The following PIK3R5 variants were observed in gnomAD, a reference collection of about 807,000 sequenced individuals.
PIK3R5 encodes phosphoinositide 3-kinase regulatory subunit 5.
Under a neutral mutation model 94.9 loss-of-function variants are expected in PIK3R5, and 32 were observed. That is an observed-to-expected ratio of 0.34 (90% CI 0.25 to 0.45). PIK3R5 has a LOEUF of 0.45. Ranked by LOEUF, PIK3R5 falls within the 20% of genes least tolerant of loss-of-function variation. The pLI is 1.00. For synonymous variants in PIK3R5, 443 were observed against 479.4 expected, an observed-to-expected ratio of 0.92 and a Z score of 0.99; for missense variants, 853 against 1,144.6, an observed-to-expected ratio of 0.75 and a Z score of 3.68.
At chr17:8,953,998 C>T (rs1159894096) in intron 1 of PIK3R5, among the ~76,000 whole-genome samples, 7 of 151,774 alleles carry the variant, frequency 4.6e-5, no homozygotes, top group Non-Finnish European at 7.4e-5. Flanking sequence ...GGGGAGTTAT[C>T]GCTCCTGGGG....
At chr17:8,886,392 G>A in intron 13 of PIK3R5, 70 bp from the exon 14 acceptor site, 1 of 1,595,078 alleles carries the variant, frequency 6.3e-7, no homozygotes, top group Non-Finnish European at 8.6e-7. Context: ...CTCCAGCATA[G>A]ACCTGCTGGC....
chr17:8,884,614 G>T lies in PIK3R5; in HGVS notation c.2205+93C>A. On this transcript the variant is annotated intron_variant, in intron 15 of 18. Coordinates refer to ENST00000447110, the MANE Select transcript of PIK3R5 (RefSeq NM_001142633.3). The surrounding 1 kb of genome is among the most constrained non-coding windows in gnomAD (Gnocchi z 5.8). ...CTTCCAGCGTAAAGACTGGGGCCCA[G>T]GAACACACGAGTCCAGCTCTGGGTC... 2.0e-6 allele frequency: 2 copies of T among 984,168 alleles called. No individual in the cohort carries two copies. The highest frequency in any genetic ancestry group is 1.6e-6 in the Non-Finnish European group (1 of 628,700). 61.0% of individuals were successfully genotyped at this position (984,168 alleles called of 1,614,324 possible). A position where few individuals can be genotyped will look rare whatever the true frequency, so the allele number is the denominator to read the frequency against.
rs765991911 is a variant in PIK3R5 at position 8,911,496 on chromosome 17, C to G, written c.-2G>C. On this transcript the variant is annotated 5_prime_UTR_variant, in exon 2 of 19. Transcript: ENST00000447110. This position sits in a 1 kb window ranked among gnomAD's most constrained non-coding sequence, Gnocchi z 5.3. ...GCATGTCGTGGCCCCTGGCTGCATC[C>G]TGGGTCATCGCCTGCATGGGGGACA... 2 of 1,597,474 alleles carry G rather than the reference C, an allele frequency of 1.3e-6. No homozygotes were observed. The highest frequency in any genetic ancestry group is 2.2e-5 in the South Asian group (2 of 91,000).
At chr17:8,891,461 A>G (rs1233130664) in intron 6 of PIK3R5, among the ~76,000 whole-genome samples, 1 of 152,174 alleles carries the variant, frequency 6.6e-6, no homozygotes, top group Non-Finnish European at 1.5e-5. Context: ...TTTTCTAATC[A>G]GCCCAAAGCC....
In PIK3R5 at chr17:8,951,947, T is replaced by C. The variant is rs113060094; in HGVS notation, c.-14+13649A>G. ...TGGCTACTGGAATATGAATAGACAT[T>C]GATAAGTGCAATTTCCAAGTCATGC... On this transcript the variant is annotated intron_variant, in intron 1 of 18. Coordinates refer to ENST00000447110, the MANE Select transcript of PIK3R5 (RefSeq NM_001142633.3). Among the ~76,000 whole-genome samples the C allele has an allele frequency of 7.2e-3, 1,103 of 152,338 alleles. 12 individuals carry two copies. The highest frequency in any genetic ancestry group is 0.025 in the African/African-American group (1,031 of 41,568).
chr17:8,954,664 G>A (rs959557393), intron 1 of PIK3R5, among the ~76,000 whole-genome samples: 3 of 152,114 alleles, frequency 2.0e-5, no homozygotes, highest in East Asian at 1.9e-4. Flanking sequence ...TGCCGGGTGC[G>A]GTGGCTCATG....
At chr17:8,959,614 C>T (rs1567676369) in intron 1 of PIK3R5, among the ~76,000 whole-genome samples, 1 of 152,164 alleles carries the variant, frequency 6.6e-6, no homozygotes, top group Non-Finnish European at 1.5e-5. Flanking sequence ...GGCTGGCTGG[C>T]TCGGCCAGGT....
rs2090072252 is a variant in PIK3R5 at position 8,893,347 on chromosome 17, T to C, written c.482+239A>G. On this transcript the variant is annotated intron_variant, in intron 6 of 18. Transcript: ENST00000447110. The surrounding 1 kb of genome is among the most constrained non-coding windows in gnomAD (Gnocchi z 5.1). The stretch of plus-strand genomic sequence containing the variant: ...TGTGCCTAACACCTGGCATAATTGA[T>C]ACAGACCTCTTTAAGAATCTGGTGA... Among the ~76,000 whole-genome samples, 1 of 152,126 alleles carries C rather than the reference T, an allele frequency of 6.6e-6. No homozygotes were observed. The highest frequency in any genetic ancestry group is 2.4e-5 in the African/African-American group (1 of 41,416).
chr17:8,886,952 T>A (rs2089874227), intron 12 of PIK3R5, 144 bp downstream of exon 12: 3 of 948,322 alleles, frequency 3.2e-6, no homozygotes, highest in Non-Finnish European at 4.7e-6. Context: ...GTCCTGCTTC[T>A]CACCCACACT....
chr17:8,913,269 G>T (rs987025505), intron 1 of PIK3R5, among the ~76,000 whole-genome samples: 3 of 152,184 alleles, frequency 2.0e-5, no homozygotes, highest in Non-Finnish European at 4.4e-5. Flanking sequence ...GCCAGCCCAT[G>T]CCACAGTCTG....
At chr17:8,928,234 C>T (rs997508621) in intron 1 of PIK3R5, among the ~76,000 whole-genome samples, 1 of 152,148 alleles carries the variant, frequency 6.6e-6, no homozygotes, top group African/African-American at 2.4e-5. Flanking sequence ...TGAAAAACTA[C>T]TTGAAGAAAT....
intron 10 of PIK3R5, 22 bp from the exon 11 acceptor site, chr17:8,887,705 G>C: frequency 6.4e-7 from 1 of 1,572,220 alleles, no homozygotes; most frequent in Non-Finnish European, 8.6e-7. Flanking sequence ...AAGATGGTGA[G>C]AAGGGGAATG....
In PIK3R5 at chr17:8,909,292, C is replaced by T. The variant is rs1191768904; in HGVS notation, c.104-118G>A. On this transcript the variant is annotated intron_variant, in intron 2 of 18. Coordinates refer to ENST00000447110, the MANE Select transcript of PIK3R5 (RefSeq NM_001142633.3). The surrounding 1 kb of genome is among the most constrained non-coding windows in gnomAD (Gnocchi z 4.3). ...ATTTTTCTGTGGTATTGCACTGGAA[C>T]ACTCTTTTTTTTTTTTGAGACAGAG... is the stretch of plus-strand genomic sequence containing the variant. The T allele has an allele frequency of 1.1e-5, 7 of 631,850 alleles. No homozygotes were observed. In the Admixed American group the frequency reaches 1.5e-4, roughly 14 times the overall value. The allele number at this position is 631,850 out of a possible 1,614,324, so 39.1% of individuals were successfully genotyped here.
intron 1 of PIK3R5, among the ~76,000 whole-genome samples, chr17:8,932,781 C>A (rs1263687294): frequency 6.6e-6 from 1 of 151,926 alleles, no homozygotes; most frequent in African/African-American, 2.4e-5. Context: ...TAATTGATGT[C>A]TCAAAAAGAG....
At chr17:8,954,150 A>T (rs1404950582) in intron 1 of PIK3R5, among the ~76,000 whole-genome samples, 1 of 152,232 alleles carries the variant, frequency 6.6e-6, no homozygotes, top group African/African-American at 2.4e-5. Flanking sequence ...CTTGGGAGTG[A>T]GAAAAGGAAG....
At position 8,909,533 on chromosome 17, in the gene PIK3R5, C is replaced by T. The variant is rs192634279; in HGVS notation, c.104-359G>A. 3.3e-4 allele frequency among the ~76,000 whole-genome samples: 51 copies of T among 152,312 alleles called. No individual in the cohort carries two copies. The East Asian group carries it at 7.7e-3, about 23-fold the overall frequency. ...CGATCTCCTGACCTCGTGATCCGCC[C>T]GCCTCGGACTCCCAAAGTGCTGGGA... On this transcript the variant is annotated intron_variant, in intron 2 of 18. Coordinates refer to ENST00000447110, the MANE Select transcript of PIK3R5 (RefSeq NM_001142633.3). The surrounding 1 kb of genome is among the most constrained non-coding windows in gnomAD (Gnocchi z 4.3).
chr17:8,942,639 T>C (rs1409103437), intron 1 of PIK3R5, among the ~76,000 whole-genome samples: 1 of 152,106 alleles, frequency 6.6e-6, no homozygotes, highest in Non-Finnish European at 1.5e-5. Flanking sequence ...AGAGTCTCGC[T>C]CTGTCGCCCA....
rs538657349 is a variant in PIK3R5, at chr17:8,943,555, C to T, written c.-14+22041G>A. 7.9e-5 allele frequency among the ~76,000 whole-genome samples: 12 copies of T among 152,232 alleles called. No individual in the cohort carries two copies. In the South Asian group the frequency reaches 2.5e-3, roughly 32 times the overall value. On this transcript the variant is annotated intron_variant, in intron 1 of 18. Transcript: ENST00000447110. ...TGGGAGGCCGAGGCGGATGCATCAT[C>T]AGGTCAGGAGTTCGAGACCAGCCTG... is the stretch of plus-strand genomic sequence containing the variant.
chr17:8,905,830 T>C, intron 3 of PIK3R5, 93 bp from the exon 4 acceptor site: 2 of 619,220 alleles, frequency 3.2e-6, no homozygotes, highest in African/African-American at 2.1e-5. Flanking sequence ...TTCTAGCCTT[T>C]CTTTTTTTTT....
Sources: allele counts gnomAD v4.1 joint callset (sites outside exome capture counted in the v4.1 genomes callset), GRCh38; gene constraint gnomAD v4.1.1; non-coding constraint Gnocchi (gnomAD v3.1); transcripts MANE v1.5; gene names NCBI Gene and HGNC (gene_info 2026-07-23, HGNC 2026-07-21).